The following ASIC2 variants were observed in gnomAD, a reference collection of about 807,000 sequenced individuals.
ASIC2 encodes the protein acid sensing ion channel subunit 2.
Under a neutral mutation model 57.3 loss-of-function variants are expected in ASIC2, and 25 were observed. That is an observed-to-expected ratio of 0.44 (90% CI 0.32 to 0.61). ASIC2 has a LOEUF of 0.61. ASIC2 is among the 20% of genes least tolerant of loss of function. ASIC2 has a pLI of 0.06. For synonymous variants in ASIC2, 319 were observed against 307.5 expected, an observed-to-expected ratio of 1.04 and a Z score of -0.39; for missense variants, 641 against 738.1, an observed-to-expected ratio of 0.87 and a Z score of 1.52.
chr17:33,611,746 A>G (rs891898662), intron 1 of ASIC2, among the ~76,000 whole-genome samples: 1 of 152,256 alleles, frequency 6.6e-6, no homozygotes, highest in Non-Finnish European at 1.5e-5. Context: ...CATAGCATCC[A>G]CTAAAATCCC....
At chr17:33,850,701 T>A (rs1913740643) in intron 1 of ASIC2, among the ~76,000 whole-genome samples, 1 of 152,224 alleles carries the variant, frequency 6.6e-6, no homozygotes, top group South Asian at 2.1e-4. Context: ...TTGCTACTTC[T>A]GATGACAGAA....
intron 1 of ASIC2, among the ~76,000 whole-genome samples, chr17:33,467,971 T>G (rs542530544): frequency 1.3e-5 from 2 of 152,324 alleles, no homozygotes; most frequent in Admixed American, 1.3e-4. Flanking sequence ...CATTTGACCC[T>G]TTTCATTGAC....
intron 1 of ASIC2, among the ~76,000 whole-genome samples, chr17:33,775,593 T>C (rs559755545): frequency 6.6e-6 from 1 of 152,280 alleles, no homozygotes; most frequent in African/African-American, 2.4e-5. Flanking sequence ...AGTGTGCATC[T>C]GTGTGTGGTG....
At chr17:33,603,408 A>C (rs1179244557) in intron 1 of ASIC2, among the ~76,000 whole-genome samples, 2 of 124,438 alleles carry the variant, frequency 1.6e-5, no homozygotes. Flanking sequence ...AGAAGCTTGC[A>C]CAGGGGCCAG....
chr17:33,610,054 GCA>G (rs57533251), intron 1 of ASIC2, among the ~76,000 whole-genome samples: 8,866 of 144,512 alleles, frequency 0.061, 280 homozygotes, highest in Middle Eastern at 0.1. Context: ...GGACAGAGGC[GCA>G]CACACACACA....
chr17:33,301,672 A>G (rs919940837), intron 1 of ASIC2, among the ~76,000 whole-genome samples: 3 of 152,214 alleles, frequency 2.0e-5, no homozygotes, highest in Admixed American at 2.0e-4. Context: ...TTAAATATTC[A>G]TATGAAATGT....
At chr17:33,825,236 C>T (rs191607109) in intron 1 of ASIC2, among the ~76,000 whole-genome samples, 14 of 152,302 alleles carry the variant, frequency 9.2e-5, no homozygotes, top group African/African-American at 2.6e-4. Context: ...AGCCTTGTCT[C>T]TAGAGGCAGC....
intron 1 of ASIC2, among the ~76,000 whole-genome samples, chr17:33,448,603 A>G (rs1035506480): frequency 1.6e-4 from 24 of 152,352 alleles, no homozygotes; most frequent in African/African-American, 5.8e-4. Flanking sequence ...AGTTGGAAGA[A>G]GCAAAGAATG....
intron 8 of ASIC2, among the ~76,000 whole-genome samples, chr17:33,017,220 G>A (rs1199012895): frequency 6.6e-6 from 1 of 152,182 alleles, no homozygotes; most frequent in Non-Finnish European, 1.5e-5. Flanking sequence ...TGGAGGGAGT[G>A]TGTGTGCAGG....
intron 2 of ASIC2, among the ~76,000 whole-genome samples, chr17:33,096,107 C>A (rs538285609): frequency 6.6e-6 from 1 of 152,084 alleles, no homozygotes; most frequent in Non-Finnish European, 1.5e-5. Context: ...TACGGGTGTG[C>A]CAGAGAGAGA....
At chr17:33,422,458 T>A (rs1049970587) in intron 1 of ASIC2, among the ~76,000 whole-genome samples, 1 of 152,186 alleles carries the variant, frequency 6.6e-6, no homozygotes, top group Non-Finnish European at 1.5e-5. Context: ...CGTTTTTAGC[T>A]GAGCCCCTAA....
chr17:33,838,117 T>C (rs1913327162), intron 1 of ASIC2, among the ~76,000 whole-genome samples: 1 of 152,214 alleles, frequency 6.6e-6, no homozygotes, highest in Non-Finnish European at 1.5e-5. Context: ...TATGTAATTA[T>C]GTATTTGTCT....
intron 1 of ASIC2, among the ~76,000 whole-genome samples, chr17:34,085,248 A>AG (rs771149765): frequency 3.9e-4 from 60 of 152,084 alleles, no homozygotes; most frequent in Non-Finnish European, 6.9e-4. Context: ...TTTAGCATGA[A>AG]GGTTGTTGAA....
intron 1 of ASIC2, among the ~76,000 whole-genome samples, chr17:34,131,247 ATAT>A (rs1192231587): frequency 5.9e-5 from 9 of 152,240 alleles, no homozygotes; most frequent in African/African-American, 2.2e-4. Context: ...AAGTAGTGAC[ATAT>A]TGAGAGCTGT....
chr17:33,781,588 T>A (rs1043495201), intron 1 of ASIC2, among the ~76,000 whole-genome samples: 4 of 152,142 alleles, frequency 2.6e-5, no homozygotes, highest in African/African-American at 9.7e-5. Context: ...AAAACCATGA[T>A]GGAAAGGCTT....
At chr17:33,472,387 T>C (rs1913085332) in intron 1 of ASIC2, among the ~76,000 whole-genome samples, 2 of 152,206 alleles carry the variant, frequency 1.3e-5, no homozygotes, top group Admixed American at 6.5e-5. Context: ...ATTGTGTAAG[T>C]TACCATTTTA....
At chr17:33,623,823 A>G (rs1905890144) in intron 1 of ASIC2, among the ~76,000 whole-genome samples, 1 of 151,894 alleles carries the variant, frequency 6.6e-6, no homozygotes, top group Admixed American at 6.6e-5. Flanking sequence ...TCACAATCCT[A>G]GAGAGATAGT....
At position 33,637,592 on chromosome 17, in the gene ASIC2, C is replaced by T. The variant is rs148455729; in HGVS notation, c.555+518386G>A. Among the ~76,000 whole-genome samples, 3 of 152,154 alleles carry T rather than the reference C, an allele frequency of 2.0e-5. 1 individual carries two copies. The highest frequency in any genetic ancestry group is 2.0e-4 in the Admixed American group (3 of 15,280). The stretch of plus-strand genomic sequence containing the variant: ...TCCCACTCCAGTGGCTATAAACAGC[C>T]ACACATATACACCTTAAAACATCAT... On this transcript the variant is annotated intron_variant, in intron 1 of 9. Transcript: ENST00000359872.
At chr17:34,017,402 C>T (rs78773518) in intron 1 of ASIC2, among the ~76,000 whole-genome samples, 2,906 of 152,246 alleles carry the variant, frequency 0.019, 97 homozygotes, top group African/African-American at 0.065. Context: ...TGACACCCAA[C>T]AATATTGAAA....
Sources: gnomAD v4.1 joint callset for allele counts (sites outside exome capture counted in the v4.1 genomes callset) on GRCh38, gnomAD v4.1.1 for gene constraint, MANE v1.5 for transcripts, NCBI Gene and HGNC (gene_info 2026-07-23, HGNC 2026-07-21) for gene names.